Variants in PKP4 observed in about 807,000 individuals in gnomAD.
PKP4 encodes plakophilin 4.
A neutral mutation model predicts 145.1 loss-of-function variants in PKP4; 90 were observed. That is an observed-to-expected ratio of 0.62 (90% CI 0.52 to 0.74). PKP4 has a LOEUF of 0.74. PKP4 is among the 30% of genes least tolerant of loss of function. The pLI is 0.00. For synonymous variants in PKP4, 563 were observed against 577.2 expected (o/e 0.98, Z 0.35); for missense variants, 1,340 against 1,482.7 (o/e 0.90, Z 1.58).
intron 1 of PKP4, among the ~76,000 whole-genome samples, chr2:158,522,008 T>A (rs1189219842): frequency 6.6e-6 from 1 of 152,200 alleles, no homozygotes; most frequent in Non-Finnish European, 1.5e-5. Context: ...GTCATATCAG[T>A]TTTGAAATTG....
intron 3 of PKP4, among the ~76,000 whole-genome samples, chr2:158,598,955 A>G (rs2050001001): frequency 6.6e-6 from 1 of 152,134 alleles, no homozygotes; most frequent in Non-Finnish European, 1.5e-5. Flanking sequence ...ATAGCAGTGG[A>G]AGTGTGAAAC....
In PKP4 at chr2:158,567,369, TAGG is replaced by T. The variant is rs540956768; in HGVS notation, c.133-9899_133-9897del. On this transcript the variant is annotated intron_variant, in intron 2 of 21. Transcript: ENST00000389759. Reference sequence around the variant, plus strand: ...TGTGTAGGTGCATGAAAGGAAGTGATAGGAGACCACAAAAAGATATTTGGGGGC... The same window carrying T: ...TGTGTAGGTGCATGAAAGGAAGTGATAGACCACAAAAAGATATTTGGGGGC... 2.5e-3 allele frequency among the ~76,000 whole-genome samples: 385 copies of T among 152,192 alleles called. 2 individuals are homozygous for T. The highest frequency in any genetic ancestry group is 9.0e-3 in the African/African-American group (374 of 41,550).
At chr2:158,545,434 G>A (rs1289786325) in intron 2 of PKP4, among the ~76,000 whole-genome samples, 1 of 152,160 alleles carries the variant, frequency 6.6e-6, no homozygotes. Flanking sequence ...AAGGTCAGGT[G>A]CCCTTGTTAA....
intron 19 of PKP4, among the ~76,000 whole-genome samples, chr2:158,675,731 A>G (rs1350786384): frequency 6.6e-6 from 1 of 152,234 alleles, no homozygotes; most frequent in Non-Finnish European, 1.5e-5. Flanking sequence ...GGTGAGCAGC[A>G]CATAGACATT....
chr2:158,592,548 T>C (rs1326169753), intron 3 of PKP4, among the ~76,000 whole-genome samples: 1 of 152,070 alleles, frequency 6.6e-6, no homozygotes, highest in Non-Finnish European at 1.5e-5. Context: ...TTAACAAGTG[T>C]ATTATGCTCT....
intron 7 of PKP4, among the ~76,000 whole-genome samples, chr2:158,627,824 A>G (rs1335461191): frequency 2.0e-5 from 3 of 151,660 alleles, no homozygotes; most frequent in African/African-American, 7.2e-5. Flanking sequence ...CTAAACTAAT[A>G]TGTTTGTGGA....
chr2:158,482,168 C>T (rs890517906), intron 1 of PKP4, among the ~76,000 whole-genome samples: 1 of 152,196 alleles, frequency 6.6e-6, no homozygotes, highest in Non-Finnish European at 1.5e-5. Flanking sequence ...GTTCAGTAGC[C>T]ACGTATAGCT....
intron 4 of PKP4, among the ~76,000 whole-genome samples, chr2:158,609,980 T>C (rs1331179591): frequency 6.6e-6 from 1 of 152,216 alleles, no homozygotes; most frequent in Non-Finnish European, 1.5e-5. Flanking sequence ...ATTTTTATTT[T>C]CTCAGGTCTT....
intron 1 of PKP4, among the ~76,000 whole-genome samples, chr2:158,528,669 G>A (rs1478919347): frequency 6.5e-4 from 56 of 85,942 alleles, no homozygotes; most frequent in South Asian, 1.6e-3. Context: ...CTTACTAAAT[G>A]AAAAAAAAAA....
At chr2:158,653,965 A>G (rs1374269123) in intron 11 of PKP4, among the ~76,000 whole-genome samples, 2 of 152,240 alleles carry the variant, frequency 1.3e-5, no homozygotes, top group Non-Finnish European at 2.9e-5. Flanking sequence ...GGTCGAGCAC[A>G]CACAGGTGTT....
At chr2:158,556,950 A>C (rs2046145744) in intron 2 of PKP4, among the ~76,000 whole-genome samples, 1 of 151,968 alleles carries the variant, frequency 6.6e-6, no homozygotes, top group African/African-American at 2.4e-5. Flanking sequence ...TCATTTCCAC[A>C]CCCTGAAGAT....
At chr2:158,576,822 A>G (rs2047896413) in intron 2 of PKP4, among the ~76,000 whole-genome samples, 1 of 152,166 alleles carries the variant, frequency 6.6e-6, no homozygotes, top group African/African-American at 2.4e-5. Flanking sequence ...AAAAGACTAT[A>G]TCAAACATGG....
intron 2 of PKP4, chr2:158,549,144 G>A (rs970458091): frequency 1.0e-5 from 2 of 200,822 alleles, no homozygotes; most frequent in South Asian, 1.0e-4. Flanking sequence ...GGGAGGCAGT[G>A]TCCTGGGTTC....
chr2:158,609,942 CG>C (rs2050986611), intron 4 of PKP4, among the ~76,000 whole-genome samples: 1 of 152,148 alleles, frequency 6.6e-6, no homozygotes. Flanking sequence ...TCCCAAAGAA[CG>C]AGGAAGAGCT....
chr2:158,669,899 A>G lies in PKP4; in HGVS notation c.2908A>G (p.Lys970Glu), dbSNP rs1178977916. ...CATAGAGAAGCTGGTGAACATAACC[A>G]AAGGCAGGGGCGACAGGCAAGTCTG... ...GGIEKLVNIT[K>E]GRGDRSSLKV... The change falls in exon 17 of 22, where the codon AAA (lysine) becomes GAA (glutamate). Residue 970 changes from lysine to glutamate, a missense_variant. Transcript: ENST00000389759. The G allele has an allele frequency of 1.2e-5, 19 of 1,611,558 alleles. No homozygotes were observed. Among genetic ancestry groups the G allele is most frequent in the Non-Finnish European group, 1.6e-5 (19 of 1,178,540 alleles).
chr2:158,577,420 A>G (rs776141010), intron 3 of PKP4, 37 bp downstream of exon 3: 2 of 1,273,650 alleles, frequency 1.6e-6, no homozygotes, highest in South Asian at 1.2e-5. Flanking sequence ...TGCACACTCA[A>G]GTTACATGCC....
chr2:158,675,639 C>T lies in PKP4; in HGVS notation c.3128-1100C>T, dbSNP rs182262083. On this transcript the variant is annotated intron_variant, in intron 19 of 21. Transcript: ENST00000389759. ...TTCACACTAGTGTGGGATCTGCTTC[C>T]GGGCATGTCTGATGCCTTGCTGATG... 2.4e-4 allele frequency among the ~76,000 whole-genome samples: 37 copies of T among 152,290 alleles called. No homozygotes were observed. The East Asian group carries it at 5.6e-3, about 23-fold the overall frequency.
chr2:158,491,356 A>T (rs184893403), intron 1 of PKP4, among the ~76,000 whole-genome samples: 134 of 152,324 alleles, frequency 8.8e-4, no homozygotes, highest in African/African-American at 3.0e-3. Context: ...GAATGGCTGC[A>T]TCCATCTATA....
chr2:158,502,086 A>T (rs1696666637), intron 1 of PKP4, among the ~76,000 whole-genome samples: 1 of 152,196 alleles, frequency 6.6e-6, no homozygotes, highest in Admixed American at 6.5e-5. Flanking sequence ...TATGAAATCC[A>T]GTTAATTGAC....
Sources: allele counts gnomAD v4.1 joint callset (sites outside exome capture counted in the v4.1 genomes callset), GRCh38; gene constraint gnomAD v4.1.1; transcripts MANE v1.5; gene names NCBI Gene and HGNC (gene_info 2026-07-23, HGNC 2026-07-21).